The following PSMD1 variants were observed in gnomAD, a reference collection of about 807,000 sequenced individuals.
PSMD1 encodes proteasome 26S subunit, non-ATPase 1.
A neutral mutation model predicts 119.0 loss-of-function variants in PSMD1; 18 were observed. The observed-to-expected ratio is 0.15, with a 90% CI of 0.10 to 0.22. The LOEUF (loss-of-function observed/expected upper bound fraction) is 0.22, where lower values mean the gene tolerates loss of function less well. PSMD1 is among the 10% of genes least tolerant of loss of function. PSMD1 has a pLI of 1.00. For synonymous variants in PSMD1, 374 were observed against 396.6 expected, an observed-to-expected ratio of 0.94 and a Z score of 0.68; for missense variants, 702 against 1,158.5, an observed-to-expected ratio of 0.61 and a Z score of 5.72.
intron 16 of PSMD1, among the ~76,000 whole-genome samples, chr2:231,089,900 T>G (rs964610316): frequency 9.9e-5 from 15 of 152,182 alleles, no homozygotes; most frequent in African/African-American, 3.4e-4. Context: ...GACTCCAATG[T>G]TAATCTCCTT....
At chr2:231,165,034 T>TTATATATA (rs66656378) in intron 21 of PSMD1, 166 bp from the exon 22 acceptor site, 30 of 21,808 alleles carry the variant, frequency 1.4e-3, no homozygotes, top group Non-Finnish European at 1.7e-3. Flanking sequence ...TTATATATAT[T>TTATATATA]TATATATATA....
intron 16 of PSMD1, among the ~76,000 whole-genome samples, chr2:231,133,191 C>T (rs1218806439): frequency 6.6e-6 from 1 of 152,118 alleles, no homozygotes; most frequent in Non-Finnish European, 1.5e-5. Flanking sequence ...CAGTGTCTCA[C>T]TCTGTCGCCC....
intron 16 of PSMD1, among the ~76,000 whole-genome samples, chr2:231,119,856 C>A (rs774385870): frequency 2.8e-5 from 3 of 107,976 alleles, no homozygotes; most frequent in Non-Finnish European, 5.0e-5. Context: ...GGCAACAGAA[C>A]GAGACTCCGT....
At chr2:231,168,967 A>G (rs756427687) in intron 23 of PSMD1, among the ~76,000 whole-genome samples, 1 of 152,202 alleles carries the variant, frequency 6.6e-6, no homozygotes, top group Non-Finnish European at 1.5e-5. Context: ...CCATGAGGCA[A>G]GAGGAAGTGT....
At position 231,070,134 on chromosome 2, in the gene PSMD1, A is replaced by G; in HGVS notation, c.620A>G (p.Asn207Ser). The G allele has an allele frequency of 1.3e-6, 2 of 1,559,078 alleles. No individual in the cohort carries two copies. Among genetic ancestry groups the G allele is most frequent in the Non-Finnish European group, 1.7e-6 (2 of 1,161,018 alleles). The change falls in exon 6 of 25, where the codon AAC (asparagine) becomes AGC (serine). Residue 207 changes from asparagine (N) to serine (S), a missense_variant. Around this residue, in one of 9 missense-constraint regions of PSMD1, gnomAD observed 32 missense variants for 77.1 expected, o/e 0.42. Transcript: ENST00000308696. ...VLRVLVKIYM[N>S]LEKPDFINVC... is the part of the protein sequence containing the mutation. Reference sequence around the variant, plus strand: ...AGAGTTCTAGTTAAAATCTACATGAACTTGGAGAAACCTGATTTCATCAAT... The same window carrying G: ...AGAGTTCTAGTTAAAATCTACATGAGCTTGGAGAAACCTGATTTCATCAAT...
intron 16 of PSMD1, chr2:231,123,896 T>TA (rs953170302): frequency 0.015 from 8,044 of 522,156 alleles, no homozygotes; most frequent in Non-Finnish European, 0.017. Context: ...CACCTTCCTT[T>TA]AAAAAAAAAA....
intron 18 of PSMD1, among the ~76,000 whole-genome samples, chr2:231,151,216 T>C (rs1327144882): frequency 1.3e-5 from 2 of 152,124 alleles, no homozygotes; most frequent in East Asian, 1.9e-4. Flanking sequence ...AACAATGAAA[T>C]TGAGTTAGAA....
At chr2:231,062,368 T>G (rs1263285865) in intron 3 of PSMD1, 47 bp downstream of exon 3, 6 of 1,528,288 alleles carry the variant, frequency 3.9e-6, no homozygotes, top group Non-Finnish European at 5.4e-6. Flanking sequence ...TCAAATTTAA[T>G]TGTGAATGTG....
Position 231,067,073 on chromosome 2 carries a change from C to T in PSMD1, c.472C>T (p.Arg158Ter). The change falls in exon 5 of 25, where the codon CGA becomes TGA. Residue 158 changes from arginine to a stop codon, truncating the protein, a stop_gained. Coordinates refer to ENST00000308696, the MANE Select transcript of PSMD1 (RefSeq NM_002807.4). LOFTEE classifies it high-confidence loss of function. The stretch of plus-strand genomic sequence containing the variant: ...GGCTATTGGCATTGCTCTGGAGACA[C>T]GAAGACTGGACGTCTTTGAAAAGAC... ...KQAIGIALET[R>*]RLDVFEKTIL... 1 of 1,610,666 alleles carries T rather than the reference C, an allele frequency of 6.2e-7. No individual in the cohort carries two copies. Among genetic ancestry groups the T allele is most frequent in the Non-Finnish European group, 8.5e-7 (1 of 1,179,286 alleles).
chr2:231,096,127 T>A (rs138578583), intron 16 of PSMD1, among the ~76,000 whole-genome samples: 14 of 152,332 alleles, frequency 9.2e-5, no homozygotes, highest in African/African-American at 3.1e-4. Flanking sequence ...TTCTTATCTC[T>A]TTATAAGCTT....
intron 19 of PSMD1, among the ~76,000 whole-genome samples, chr2:231,154,087 G>T (rs185818625): frequency 2.7e-4 from 40 of 150,542 alleles, no homozygotes; most frequent in African/African-American, 8.3e-4. Context: ...CACTCCAGCC[G>T]GGGCAACAAG....
At chr2:231,100,743 G>A (rs912766202) in intron 16 of PSMD1, among the ~76,000 whole-genome samples, 13 of 152,140 alleles carry the variant, frequency 8.5e-5, no homozygotes, top group East Asian at 3.9e-4. Context: ...CCAAGGCTCC[G>A]CTAGCTTTAA....
chr2:231,111,117 C>A (rs1695143104), intron 16 of PSMD1, among the ~76,000 whole-genome samples: 2 of 152,182 alleles, frequency 1.3e-5, no homozygotes, highest in Admixed American at 1.3e-4. Context: ...TCCACTGTTC[C>A]AGTGCCAGCA....
intron 16 of PSMD1, among the ~76,000 whole-genome samples, chr2:231,116,192 A>G (rs921628192): frequency 6.6e-6 from 1 of 152,188 alleles, no homozygotes; most frequent in African/African-American, 2.4e-5. Flanking sequence ...GCAGCTTCAA[A>G]GCGAACTAAC....
chr2:231,061,279 C>A lies in PSMD1; in HGVS notation c.29C>A (p.Ser10Tyr). 6.3e-7 allele frequency: 1 copy of A among 1,595,556 alleles called. No individual in the cohort carries two copies. The highest frequency in any genetic ancestry group is 8.6e-7 in the Non-Finnish European group (1 of 1,165,550). ...TTTTTTCTCATAGCTGGAATTATTT[C>A]TCTTCTGGATGAAGATGAACCACAG... MITSAAGIISLLDEDEPQLK... is the reference protein window; with the variant it reads MITSAAGIIYLLDEDEPQLK... Residue 10 changes from serine (S) to tyrosine (Y), a missense_variant, in exon 2 of 25, where the codon TCT (serine) becomes TAT (tyrosine). Transcript: ENST00000308696.
intron 17 of PSMD1, among the ~76,000 whole-genome samples, chr2:231,140,556 T>A (rs938390005): frequency 2.0e-5 from 3 of 146,978 alleles, no homozygotes; most frequent in Non-Finnish European, 4.5e-5. Context: ...TCTAGTCACA[T>A]GAAAGATTAT....
rs571647099 is a variant in PSMD1 at position 231,062,718 on chromosome 2, T to C, written c.304+43T>C. On this transcript the variant is annotated intron_variant, in intron 4 of 24. Coordinates refer to ENST00000308696, the MANE Select transcript of PSMD1 (RefSeq NM_002807.4). ...GGTAAGGCTTTATCTTGTCGGCTTC[T>C]TTCTTGCTGTAGTGCACATAGAAGC... 6.9e-6 allele frequency: 10 copies of C among 1,458,026 alleles called. No individual in the cohort carries two copies. In the African/African-American group the frequency reaches 1.1e-4, roughly 17 times the overall value. The allele number at this position is 1,458,026 out of a possible 1,614,324, so 90.3% of individuals were successfully genotyped here. A position where few individuals can be genotyped will look rare whatever the true frequency, so the allele number is the denominator to read the frequency against.
chr2:231,129,268 A>G (rs1352637878), intron 16 of PSMD1, among the ~76,000 whole-genome samples: 4 of 152,216 alleles, frequency 2.6e-5, no homozygotes, highest in South Asian at 2.1e-4. Flanking sequence ...ATACTGCAAG[A>G]CTTTTCTTAG....
At chr2:231,142,297 A>T (rs2125250858) in intron 17 of PSMD1, among the ~76,000 whole-genome samples, 1 of 152,366 alleles carries the variant, frequency 6.6e-6, no homozygotes, top group South Asian at 2.1e-4. Flanking sequence ...TATCGAATGT[A>T]GTTATAGAAA....
Sources: gnomAD v4.1 joint callset for allele counts (sites outside exome capture counted in the v4.1 genomes callset) on GRCh38, gnomAD v4.1.1 for gene constraint, gnomAD v4.1.1 regional missense constraint, MANE v1.5 for transcripts, NCBI Gene and HGNC (gene_info 2026-07-23, HGNC 2026-07-21) for gene names.